The following KDSR variants were observed in gnomAD, a reference collection of about 807,000 sequenced individuals.
KDSR encodes 3-dehydrosphinganine reductase.
In KDSR, 23 loss-of-function variants were observed where a neutral mutation model predicts 41.3. The observed-to-expected ratio is 0.56, with a 90% CI of 0.40 to 0.79. The LOEUF (loss-of-function observed/expected upper bound fraction) is 0.79. Among genes scored for constraint, KDSR ranks in the 30% least tolerant of loss-of-function variants. The pLI, the probability that KDSR is intolerant of heterozygous loss-of-function variation, is 0.00. For synonymous variants in KDSR, 138 were observed against 151.7 expected, an observed-to-expected ratio of 0.91 and a Z score of 0.66; for missense variants, 351 against 416.8, an observed-to-expected ratio of 0.84 and a Z score of 1.37.
Position 63,331,161 on chromosome 18 carries a change from C to T in KDSR, c.*621G>A. On this transcript the variant is annotated 3_prime_UTR_variant, in exon 10 of 10. Transcript: ENST00000645214. ...AAGAGAGAGAGAAGCCATGAGTTTC[C>T]ACCAGCAGCAGAGTGAGTCCTGAGC... 4.3e-6 allele frequency: 1 copy of T among 233,222 alleles called. No individual in the cohort carries two copies. Among genetic ancestry groups the T allele is most frequent in the Non-Finnish European group, 8.5e-6 (1 of 118,086 alleles). The allele number at this position is 233,222 out of a possible 1,614,324, so 14.4% of individuals were successfully genotyped here.
intron 6 of KDSR, among the ~76,000 whole-genome samples, chr18:63,347,443 C>T (rs866432857): frequency 7.2e-6 from 1 of 138,862 alleles, no homozygotes; most frequent in Admixed American, 8.2e-5. Context: ...TTTCAGTGAA[C>T]CGAGATCACA....
At chr18:63,361,034 A>ATAATAT (rs1914959489) in intron 2 of KDSR, among the ~76,000 whole-genome samples, 1 of 128,914 alleles carries the variant, frequency 7.8e-6, no homozygotes, top group Non-Finnish European at 1.6e-5. Context: ...TAATATATAT[A>ATAATAT]ATAAAAATAT....
Position 63,331,930 on chromosome 18 carries a change from C to T in KDSR, c.880-29G>A, listed in dbSNP as rs61758855. Reference sequence around the variant, plus strand: ...CAAGATAAAGAGAGAGCTTTTAGTGCATCCAACGGTACAAGACTATTTCAA... The same window carrying T: ...CAAGATAAAGAGAGAGCTTTTAGTGTATCCAACGGTACAAGACTATTTCAA... On this transcript the variant is annotated intron_variant, in intron 9 of 9. Coordinates refer to ENST00000645214, the MANE Select transcript of KDSR (RefSeq NM_002035.4). 8.7e-4 allele frequency: 1,400 copies of T among 1,610,182 alleles called. 2 individuals carry two copies. The highest frequency in any genetic ancestry group is 1.0e-3 in the Non-Finnish European group (1,237 of 1,178,200).
chr18:63,347,842 G>GT (rs1452706392), intron 6 of KDSR, among the ~76,000 whole-genome samples: 2 of 150,570 alleles, frequency 1.3e-5, no homozygotes, highest in Non-Finnish European at 3.0e-5. Flanking sequence ...AAAAGACTGA[G>GT]TAAAAAAAAA....
intron 1 of KDSR, 81 bp downstream of exon 1, chr18:63,366,929 AG>A (rs1374683614): frequency 1.4e-5 from 9 of 657,872 alleles, no homozygotes; most frequent in Non-Finnish European, 2.0e-5. Flanking sequence ...GCCTGGAAAA[AG>A]GGACGTAGGC....
At chr18:63,366,666 T>A (rs1027725042) in intron 1 of KDSR, 4 of 211,024 alleles carry the variant, frequency 1.9e-5, no homozygotes, top group African/African-American at 6.9e-5. Context: ...AGTTGACTCA[T>A]CGGAAAAACT....
rs1208991646 is a variant in KDSR at position 63,335,361 on chromosome 18, A to G, written c.778-3T>C. ...AGGGAACTGTTGAAATTTCCTTGCT[A>G]AAAGAGAAGAAAAAGAAGAGAAAGA... On this transcript the variant is annotated splice_polypyrimidine_tract_variant and splice_region_variant and intron_variant, in intron 8 of 9. Coordinates refer to ENST00000645214, the MANE Select transcript of KDSR (RefSeq NM_002035.4). 1.3e-6 allele frequency: 2 copies of G among 1,595,510 alleles called. No individual in the cohort carries two copies. Among genetic ancestry groups the G allele is most frequent in the South Asian group, 1.1e-5 (1 of 90,678 alleles).
intron 3 of KDSR, among the ~76,000 whole-genome samples, chr18:63,357,676 C>T (rs1256579303): frequency 6.7e-6 from 1 of 150,128 alleles, no homozygotes; most frequent in Non-Finnish European, 1.5e-5. Context: ...AGCTTTGCCT[C>T]CCAGATCCAA....
At chr18:63,362,990 G>C (rs1261467470) in intron 1 of KDSR, 122 bp from the exon 2 acceptor site, 1 of 638,952 alleles carries the variant, frequency 1.6e-6, no homozygotes, top group Non-Finnish European at 2.7e-6. Context: ...ATTAGCTGTT[G>C]TTAACTTCTT....
At chr18:63,361,512 G>T (rs1914985335) in intron 2 of KDSR, among the ~76,000 whole-genome samples, 1 of 151,982 alleles carries the variant, frequency 6.6e-6, no homozygotes, top group Non-Finnish European at 1.5e-5. Context: ...TTCTTGGTTT[G>T]CAAAAGAAGT....
intron 9 of KDSR, among the ~76,000 whole-genome samples, chr18:63,332,464 A>C (rs1345654935): frequency 6.6e-6 from 1 of 152,076 alleles, no homozygotes; most frequent in Admixed American, 6.6e-5. Flanking sequence ...TTGACCTCCC[A>C]AACTCAAAGG....
intron 4 of KDSR, 61 bp from the exon 5 acceptor site, chr18:63,355,360 A>G: frequency 6.2e-7 from 1 of 1,601,256 alleles, no homozygotes; most frequent in Non-Finnish European, 8.5e-7. Flanking sequence ...TCAGCAGCAA[A>G]TCCATGCTGA....
At position 63,331,284 on chromosome 18, in the gene KDSR, GAC is replaced by G. The variant is rs374007830; in HGVS notation, c.*496_*497del. 65,992 of 141,350 alleles carry G rather than the reference GAC, an allele frequency of 0.47. 11,605 individuals carry two copies. The highest frequency in any genetic ancestry group is 0.53 in the Non-Finnish European group (44,314 of 83,128). The allele number at this position is 141,350 out of a possible 1,614,324, so 8.8% of individuals were successfully genotyped here. On this transcript the variant is annotated 3_prime_UTR_variant, in exon 10 of 10. Coordinates refer to ENST00000645214, the MANE Select transcript of KDSR (RefSeq NM_002035.4). The stretch of plus-strand genomic sequence containing the variant: ...AGAAAGAAAGAGAGAGAGAGAGAGA[GAC>G]AGAGAGACAGAGAGACAGAGAGACA...
chr18:63,334,064 T>C (rs578177528), intron 9 of KDSR, among the ~76,000 whole-genome samples: 1 of 152,334 alleles, frequency 6.6e-6, no homozygotes, highest in East Asian at 1.9e-4. Context: ...CGCTGGCTGT[T>C]AGGGGTACAA....
chr18:63,344,524 G>C, intron 6 of KDSR, 31 bp from the exon 7 acceptor site: 1 of 1,528,286 alleles, frequency 6.5e-7, no homozygotes, highest in South Asian at 1.1e-5. Context: ...TGTACCTTCA[G>C]TAAACAAGAC....
At chr18:63,350,814 A>C in intron 6 of KDSR, 74 bp downstream of exon 6, 1 of 1,062,884 alleles carries the variant, frequency 9.4e-7, no homozygotes, top group Non-Finnish European at 1.4e-6. Flanking sequence ...ACATGTAAAG[A>C]AGCTATAAAA....
At chr18:63,356,157 G>A (rs557602465) in intron 3 of KDSR, among the ~76,000 whole-genome samples, 1 of 152,276 alleles carries the variant, frequency 6.6e-6, no homozygotes, top group East Asian at 1.9e-4. Context: ...CAGCACTTTG[G>A]GAGGCCGAGG....
At chr18:63,332,852 A>G (rs1045173260) in intron 9 of KDSR, among the ~76,000 whole-genome samples, 14 of 150,870 alleles carry the variant, frequency 9.3e-5, no homozygotes, top group African/African-American at 2.7e-4. Context: ...AAAAAAAAAA[A>G]AGAGAATAGA....
intron 9 of KDSR, among the ~76,000 whole-genome samples, chr18:63,333,721 ACACT>A (rs1568274815): frequency 6.6e-6 from 1 of 152,146 alleles, no homozygotes; most frequent in South Asian, 2.1e-4. Flanking sequence ...TTAAACACAC[ACACT>A]CACACCAGAT....
Sources: allele counts gnomAD v4.1 joint callset (sites outside exome capture counted in the v4.1 genomes callset), GRCh38; gene constraint gnomAD v4.1.1; transcripts MANE v1.5; gene names NCBI Gene and HGNC (gene_info 2026-07-23, HGNC 2026-07-21).